The following RGPD8 variants were observed in gnomAD, a reference collection of about 807,000 sequenced individuals.
The protein encoded by RGPD8 is RANBP2-like and GRIP domain-containing protein 8.
A neutral mutation model predicts 89.1 loss-of-function variants in RGPD8; 15 were observed. That is an observed-to-expected ratio of 0.17 (90% CI 0.11 to 0.26). The LOEUF is 0.26. RGPD8 is among the 10% of genes least tolerant of loss of function. RGPD8 has a pLI of 1.00. For synonymous variants in RGPD8, 62 were observed against 420.9 expected, an observed-to-expected ratio of 0.15 and a Z score of 10.44; for missense variants, 178 against 1,179.6, an observed-to-expected ratio of 0.15 and a Z score of 12.44.
chr2:112,429,868 C>T lies in RGPD8; in HGVS notation c.72+3514G>A, dbSNP rs1016149639. Among the ~76,000 whole-genome samples, 9 of 151,986 alleles carry T rather than the reference C, an allele frequency of 5.9e-5. No individual in the cohort carries two copies. The East Asian group carries it at 1.2e-3, about 20-fold the overall frequency. On this transcript the variant is annotated intron_variant, in intron 1 of 22. Transcript: ENST00000302558. ...TGTCACACAGGCTGGAGTGCAGTGG[C>T]GCAATCTCTGCTCACCACAACCTCT...
chr2:112,390,067 C>A lies in RGPD8; in HGVS notation c.2878G>T (p.Val960Leu). ...GTGCTACTTGTTTGGCCAAAAATCA[C>A]ACCACGGCCCTTCTTCCGGCCCCTA... ...DIRGRKKGRGVIFGQTSSTFT... is the reference protein window; with the variant it reads ...DIRGRKKGRGLIFGQTSSTFT... The change falls in exon 20 of 23, where the codon GTG (valine) becomes TTG (leucine). Residue 960 changes from valine to leucine, a missense_variant. Coordinates refer to ENST00000302558, the MANE Select transcript of RGPD8 (RefSeq NM_001164463.1). The A allele has an allele frequency of 6.4e-7, 1 of 1,573,820 alleles. No homozygotes were observed. Among genetic ancestry groups the A allele is most frequent in the Non-Finnish European group, 8.7e-7 (1 of 1,151,902 alleles).
At chr2:112,420,171 A>C (rs1679526018) in intron 4 of RGPD8, among the ~76,000 whole-genome samples, 1 of 91,730 alleles carries the variant, frequency 1.1e-5, no homozygotes, top group Non-Finnish European at 2.3e-5. Context: ...CTCTGTCTCA[A>C]AAAAAAAAAA....
rs1466318798 is a variant in RGPD8 at position 112,433,626 on chromosome 2, G to C, written c.-173C>G. On this transcript the variant is annotated 5_prime_UTR_variant, in exon 1 of 23. Transcript: ENST00000302558. ...CGGAGGCCCACTGTGACGAACCTGC[G>C]TTCTGCCTCAGCACTGTGTATCCTC... 10 of 763,342 alleles carry C rather than the reference G, an allele frequency of 1.3e-5. No individual in the cohort carries two copies. In the East Asian group the frequency reaches 2.2e-4, roughly 17 times the overall value. 47.3% of individuals were successfully genotyped at this position (763,342 alleles called of 1,614,324 possible). A position where few individuals can be genotyped will look rare whatever the true frequency, so the allele number is the denominator to read the frequency against.
At position 112,433,459 on chromosome 2, in the gene RGPD8, C is replaced by G. The variant is rs764712749; in HGVS notation, c.-6G>C. ...TCGGCCTTGCTGCGCCTCATCGCGC[C>G]GCCAACCTGGCTCCCGAGACGCGTG... On this transcript the variant is annotated 5_prime_UTR_variant, in exon 1 of 23. Transcript: ENST00000302558. 15 of 1,607,128 alleles carry G rather than the reference C, an allele frequency of 9.3e-6. No individual in the cohort carries two copies. In the African/African-American group the frequency reaches 1.5e-4, roughly 16 times the overall value.
At chr2:112,423,572 T>A (rs2104829375) in intron 2 of RGPD8, among the ~76,000 whole-genome samples, 1 of 131,642 alleles carries the variant, frequency 7.6e-6, no homozygotes, top group African/African-American at 2.9e-5. Flanking sequence ...CACGTGGTGG[T>A]GCGCATCTGT....
Position 112,429,147 on chromosome 2 carries a change from G to A in RGPD8, c.72+4235C>T, listed in dbSNP as rs541504227. The stretch of plus-strand genomic sequence containing the variant: ...CAGAATGTCTAAAATGGGGCCGGGC[G>A]CGGTGGCTCACGCCTGTAATCCCAG... On this transcript the variant is annotated intron_variant, in intron 1 of 22. Coordinates refer to ENST00000302558, the MANE Select transcript of RGPD8 (RefSeq NM_001164463.1). Among the ~76,000 whole-genome samples the A allele has an allele frequency of 1.4e-4, 22 of 151,956 alleles. No homozygotes were observed. In the East Asian group the frequency reaches 3.1e-3, roughly 21 times the overall value.
Position 112,422,571 on chromosome 2 carries a change from CTG to C in RGPD8, c.227_228del (p.Thr76ArgfsTer5). 1.9e-6 allele frequency: 3 copies of C among 1,610,290 alleles called. No homozygotes were observed. The highest frequency in any genetic ancestry group is 2.5e-6 in the Non-Finnish European group (3 of 1,179,216). On this transcript the variant is annotated frameshift_variant, in exon 3 of 23. Transcript: ENST00000302558. LOFTEE classifies it high-confidence loss of function. ...ACCCTGTAACATTCAACGGCTTTCT[CTG>C]TGTTTTCTTCCAATTCATAAAGAAG... ...LGLLYELEEN[T>X]EKAVECYRRS... is the part of the protein sequence containing the mutation.
At chr2:112,374,706 C>T (rs1678064384) in intron 22 of RGPD8, among the ~76,000 whole-genome samples, 1 of 131,004 alleles carries the variant, frequency 7.6e-6, no homozygotes, top group Admixed American at 7.8e-5. Context: ...TCCAGCCATT[C>T]TCTTCATATA....
chr2:112,432,919 C>T (rs1044950260), intron 1 of RGPD8, among the ~76,000 whole-genome samples: 3 of 109,598 alleles, frequency 2.7e-5, no homozygotes, highest in Non-Finnish European at 6.6e-5. Flanking sequence ...GAGCAGCGCC[C>T]TCGGGAGCCA....
rs571388563 is a variant in RGPD8 at position 112,387,740 on chromosome 2, C to T, written c.4921+284G>A. 1.3e-4 allele frequency among the ~76,000 whole-genome samples: 19 copies of T among 144,242 alleles called. 5 individuals are homozygous for T. The South Asian group carries it at 3.0e-3, about 23-fold the overall frequency. 94.6% of individuals were successfully genotyped at this position (144,242 alleles called of 152,430 possible). A position where few individuals can be genotyped will look rare whatever the true frequency, so the allele number is the denominator to read the frequency against. On this transcript the variant is annotated intron_variant, in intron 20 of 22. Coordinates refer to ENST00000302558, the MANE Select transcript of RGPD8 (RefSeq NM_001164463.1). ...CTTTAAAAAAAGACTCACGTTAATG[C>T]GCATGATTCAAGCATGACTCCGTAC...
chr2:112,404,700 CAA>C (rs1318458486), intron 8 of RGPD8, among the ~76,000 whole-genome samples: 5 of 45,738 alleles, frequency 1.1e-4, no homozygotes, highest in Non-Finnish European at 9.1e-5. Flanking sequence ...ACTAAAAATA[CAA>C]AAAAAAAAAA....
intron 1 of RGPD8, among the ~76,000 whole-genome samples, chr2:112,425,611 T>G (rs1268091973): frequency 6.6e-6 from 1 of 151,484 alleles, no homozygotes; most frequent in African/African-American, 2.4e-5. Flanking sequence ...AATACAAAAA[T>G]TAGCTGGGCA....
chr2:112,382,160 T>A (rs1678327788), intron 20 of RGPD8, among the ~76,000 whole-genome samples: 1 of 152,294 alleles, frequency 6.6e-6, no homozygotes, highest in East Asian at 1.9e-4. Context: ...GACTCCTAGT[T>A]CTTCAGTTTT....
chr2:112,431,627 T>C (rs1298400008), intron 1 of RGPD8, among the ~76,000 whole-genome samples: 2 of 150,898 alleles, frequency 1.3e-5, no homozygotes, highest in South Asian at 2.1e-4. Context: ...ATCATGGTCA[T>C]CCGTGAGTTT....
intron 7 of RGPD8, among the ~76,000 whole-genome samples, chr2:112,411,257 GCTC>G (rs1231208758): frequency 8.1e-6 from 1 of 123,306 alleles, no homozygotes; most frequent in Non-Finnish European, 1.6e-5. Context: ...AGTTATGCAA[GCTC>G]ATTAAAAAAA....
Position 112,424,136 on chromosome 2 carries a change from C to T in RGPD8, c.140+104G>A, listed in dbSNP as rs964749168. 109 of 1,339,390 alleles carry T rather than the reference C, an allele frequency of 8.1e-5. 1 individual carries two copies. The African/African-American group carries it at 1.2e-3, about 15-fold the overall frequency. 83.0% of individuals were successfully genotyped at this position (1,339,390 alleles called of 1,614,324 possible). A position where few individuals can be genotyped will look rare whatever the true frequency, so the allele number is the denominator to read the frequency against. ...GATAAATCCCTTATTCCAGAATACACTTAGGAAGAACTACTAAGAACATAT... is the reference window on the plus strand; with the variant it reads ...GATAAATCCCTTATTCCAGAATACATTTAGGAAGAACTACTAAGAACATAT... On this transcript the variant is annotated intron_variant, in intron 2 of 22. Transcript: ENST00000302558.
Position 112,373,981 on chromosome 2 carries a change from T to TA in RGPD8, c.5264-3770dup, listed in dbSNP as rs959083216. On this transcript the variant is annotated intron_variant, in intron 22 of 22. Coordinates refer to ENST00000302558, the MANE Select transcript of RGPD8 (RefSeq NM_001164463.1). ...GAGCCCAGCTTGTATTCTTTTGATTTAAAAAAAAAATATCCTGAATGTGAT... is the reference window on the plus strand; with the variant it reads ...GAGCCCAGCTTGTATTCTTTTGATTTAAAAAAAAAAATATCCTGAATGTGAT... Among the ~76,000 whole-genome samples, 23 of 65,372 alleles carry TA rather than the reference T, an allele frequency of 3.5e-4. No homozygotes were observed. The East Asian group carries it at 5.2e-3, about 15-fold the overall frequency. 42.9% of individuals were successfully genotyped at this position (65,372 alleles called of 152,430 possible).
rs1208452529 is a variant in RGPD8 at position 112,433,425 on chromosome 2, C to G, written c.29G>C (p.Arg10Pro). The G allele has an allele frequency of 1.2e-6, 2 of 1,609,968 alleles. No homozygotes were observed. Among genetic ancestry groups the G allele is most frequent in the Admixed American group, 3.3e-5 (2 of 59,926 alleles). ...GAGACCCAGCACCGAGGCGACGTAC[C>G]GCTCCACATCGGCCTTGCTGCGCCT... is the stretch of plus-strand genomic sequence containing the variant. MRRSKADVE[R>P]YVASVLGLTP... The change falls in exon 1 of 23, where the codon CGG becomes CCG. Residue 10 changes from arginine to proline, a missense_variant. Arg to Pro is a moderately radical substitution (Grantham distance 103, BLOSUM62 -2). Coordinates refer to ENST00000302558, the MANE Select transcript of RGPD8 (RefSeq NM_001164463.1).
chr2:112,391,651 T>G (rs1172518214), intron 18 of RGPD8, among the ~76,000 whole-genome samples: 4 of 132,488 alleles, frequency 3.0e-5, no homozygotes, highest in Non-Finnish European at 6.5e-5. Flanking sequence ...TCCCTCTGTT[T>G]GGTCTGTTTT....
Sources: gnomAD v4.1 joint callset for allele counts (sites outside exome capture counted in the v4.1 genomes callset) on GRCh38, gnomAD v4.1.1 for gene constraint, MANE v1.5 for transcripts, NCBI Gene and HGNC (gene_info 2026-07-23, HGNC 2026-07-21) for gene names.